Variants in RNF43 observed in about 807,000 individuals in gnomAD.
RNF43 encodes the protein E3 ubiquitin-protein ligase RNF43.
RNF43 carries 37 observed loss-of-function variants against 78.4 expected under a neutral mutation model. The observed-to-expected ratio is 0.47, with a 90% confidence interval of 0.36 to 0.62. RNF43 has a LOEUF of 0.62. RNF43 is among the 20% of genes least tolerant of loss of function. The pLI, the probability that RNF43 is intolerant of heterozygous loss-of-function variation, is 0.00. For missense variants in RNF43, 774 were observed against 1,007.9 expected, an observed-to-expected ratio of 0.77 and a Z score of 3.14; for synonymous variants, 347 against 395.0, an observed-to-expected ratio of 0.88 and a Z score of 1.44.
chr17:58,393,660 G>A (rs1973607366), intron 2 of RNF43, among the ~76,000 whole-genome samples: 1 of 152,136 alleles, frequency 6.6e-6, no homozygotes, highest in African/African-American at 2.4e-5. Flanking sequence ...TACAATGTAG[G>A]TCAAGAAATT....
chr17:58,392,412 A>G (rs1311310306), intron 2 of RNF43, among the ~76,000 whole-genome samples: 4 of 152,262 alleles, frequency 2.6e-5, no homozygotes, highest in African/African-American at 7.2e-5. Flanking sequence ...GGAAAAGCTT[A>G]GGAAAATAGT....
chr17:58,387,341 A>T (rs766579627), intron 2 of RNF43, among the ~76,000 whole-genome samples: 12 of 152,142 alleles, frequency 7.9e-5, no homozygotes, highest in Non-Finnish European at 1.3e-4. Context: ...TTGTCTTAGA[A>T]ATAGGTACGC....
In RNF43 at chr17:58,402,839, G is replaced by A. The variant is rs371928253; in HGVS notation, c.252+12487C>T. ...AGACCTGAGTTCAGGCCCTCAGGGT[G>A]CTGAGGTTTTCCTTTGTGGGAGAAA... On this transcript the variant is annotated intron_variant, in intron 2 of 9. Transcript: ENST00000407977. 13 of 152,252 alleles carry A rather than the reference G, an allele frequency of 8.5e-5. No homozygotes were observed. In the East Asian group the frequency reaches 1.4e-3, roughly 16 times the overall value. 9.4% of individuals were successfully genotyped at this position (152,252 alleles called of 1,614,324 possible). A position where few individuals can be genotyped will look rare whatever the true frequency, so the allele number is the denominator to read the frequency against.
At chr17:58,404,104 T>C (rs1423842539) in intron 2 of RNF43, among the ~76,000 whole-genome samples, 1 of 152,180 alleles carries the variant, frequency 6.6e-6, no homozygotes, top group East Asian at 1.9e-4. Flanking sequence ...GCAAAGACAG[T>C]ACAGGACCAG....
chr17:58,356,886 C>CTTTTT lies in RNF43; in HGVS notation c.2308+577_2308+581dup, dbSNP rs150378896. The CTTTTT allele has an allele frequency of 2.8e-4, 40 of 144,138 alleles. 2 individuals are homozygous for CTTTTT. The highest frequency in any genetic ancestry group is 3.4e-4 in the Non-Finnish European group (27 of 80,388). The allele number at this position is 144,138 out of a possible 1,614,324, so 8.9% of individuals were successfully genotyped here. On this transcript the variant is annotated intron_variant, in intron 9 of 9. Coordinates refer to ENST00000407977, the MANE Select transcript of RNF43 (RefSeq NM_017763.6). ...ACCCCGGGGACCATTCCAAATGCCTCTTTTTTTTTTTTTTTTTTTTTTTTT... is the reference window on the plus strand; with the variant it reads ...ACCCCGGGGACCATTCCAAATGCCTCTTTTTTTTTTTTTTTTTTTTTTTTTTTTTT...
intron 9 of RNF43, among the ~76,000 whole-genome samples, chr17:58,356,561 T>G (rs1972687833): frequency 6.6e-6 from 1 of 152,200 alleles, no homozygotes. Context: ...GTCTTATTAA[T>G]AATGATGTGT....
intron 2 of RNF43, among the ~76,000 whole-genome samples, chr17:58,395,854 A>T (rs527362037): frequency 8.5e-5 from 13 of 152,276 alleles, no homozygotes; most frequent in African/African-American, 3.1e-4. Context: ...AGATGCTGTG[A>T]TTTCAGTTCT....
intron 2 of RNF43, among the ~76,000 whole-genome samples, chr17:58,414,506 C>T: frequency 6.6e-6 from 1 of 152,158 alleles, no homozygotes; most frequent in East Asian, 1.9e-4. Context: ...AAAGGTATAG[C>T]CCTCTAGGCT....
chr17:58,411,709 T>G (rs1418706148), intron 2 of RNF43, among the ~76,000 whole-genome samples: 1 of 152,202 alleles, frequency 6.6e-6, no homozygotes, highest in Non-Finnish European at 1.5e-5. Context: ...ATCCTCTTAC[T>G]CTTTTGCTCT....
At chr17:58,407,782 G>A (rs1205317741) in intron 2 of RNF43, among the ~76,000 whole-genome samples, 1 of 152,146 alleles carries the variant, frequency 6.6e-6, no homozygotes, top group African/African-American at 2.4e-5. Context: ...AGAAAACAAA[G>A]TTAAAGTTTG....
Position 58,415,750 on chromosome 17 carries a change from G to C in RNF43, c.-173C>G, listed in dbSNP as rs562859672. The C allele has an allele frequency of 6.4e-5, 44 of 690,250 alleles. No homozygotes were observed. In the South Asian group the frequency reaches 8.2e-4, roughly 13 times the overall value. The allele number at this position is 690,250 out of a possible 1,614,324, so 42.8% of individuals were successfully genotyped here. ...TCTCTAAAGTTTATTCCCAAAAACA[G>C]GTAGCATTCCTGATTGGGCAGAGAA... On this transcript the variant is annotated 5_prime_UTR_variant, in exon 2 of 10. Coordinates refer to ENST00000407977, the MANE Select transcript of RNF43 (RefSeq NM_017763.6).
intron 2 of RNF43, among the ~76,000 whole-genome samples, chr17:58,379,593 C>T (rs1481416138): frequency 4.6e-5 from 7 of 152,182 alleles, no homozygotes; most frequent in Admixed American, 4.6e-4. Flanking sequence ...TGTGCTGGAG[C>T]TCCATGATGC....
chr17:58,362,794 G>C (rs1046668012), intron 5 of RNF43, 146 bp from the exon 6 acceptor site: 3 of 571,212 alleles, frequency 5.3e-6, no homozygotes, highest in Non-Finnish European at 9.2e-6. Flanking sequence ...GAACCTGCAA[G>C]TGGGATTAGG....
At chr17:58,388,453 T>C (rs1354596995) in intron 2 of RNF43, among the ~76,000 whole-genome samples, 1 of 152,188 alleles carries the variant, frequency 6.6e-6, no homozygotes, top group Non-Finnish European at 1.5e-5. Flanking sequence ...ATGTGACCAC[T>C]GAGTACAATG....
intron 2 of RNF43, among the ~76,000 whole-genome samples, chr17:58,371,555 T>C (rs2143520322): frequency 6.6e-6 from 1 of 152,378 alleles, no homozygotes; most frequent in South Asian, 2.1e-4. Flanking sequence ...TTCCCATTTC[T>C]CAGGAGGCTG....
chr17:58,355,174 C>T (rs762790088), intron 9 of RNF43, among the ~76,000 whole-genome samples, 188 bp from the exon 10 acceptor site: 28 of 152,184 alleles, frequency 1.8e-4, no homozygotes, highest in Non-Finnish European at 3.7e-4. Context: ...AAAAACAAAT[C>T]TAAAGAAATA....
At chr17:58,383,699 C>A (rs1973371889) in intron 2 of RNF43, among the ~76,000 whole-genome samples, 1 of 152,134 alleles carries the variant, frequency 6.6e-6, no homozygotes, top group Non-Finnish European at 1.5e-5. Flanking sequence ...CTCACTGCAA[C>A]CTCCGCCTCC....
At chr17:58,381,005 G>A (rs1973304105) in intron 2 of RNF43, among the ~76,000 whole-genome samples, 1 of 152,188 alleles carries the variant, frequency 6.6e-6, no homozygotes, top group Non-Finnish European at 1.5e-5. Flanking sequence ...AAGTGGGGAT[G>A]GAATGAAGCT....
intron 2 of RNF43, among the ~76,000 whole-genome samples, chr17:58,396,160 C>G (rs1239965851): frequency 6.6e-6 from 1 of 152,058 alleles, no homozygotes; most frequent in Non-Finnish European, 1.5e-5. Flanking sequence ...CATCAAAATC[C>G]CAACCTAAAA....
Sources: allele counts gnomAD v4.1 joint callset (sites outside exome capture counted in the v4.1 genomes callset), GRCh38; gene constraint gnomAD v4.1.1; transcripts MANE v1.5; gene names NCBI Gene and HGNC (gene_info 2026-07-23, HGNC 2026-07-21).